The following RFX3 variants were observed in gnomAD, a reference collection of about 807,000 sequenced individuals.
The protein encoded by RFX3 is regulatory factor X3.
RFX3 carries 14 observed loss-of-function variants against 98.6 expected under a neutral mutation model. The ratio of observed to expected loss-of-function variants is 0.14; its 90% confidence interval spans 0.09 to 0.22. The LOEUF (loss-of-function observed/expected upper bound fraction) is 0.22. Ranked by LOEUF, RFX3 falls within the 10% of genes least tolerant of loss-of-function variation. RFX3 has a pLI of 1.00. For synonymous variants in RFX3, 383 were observed against 328.4 expected (o/e 1.17, Z -1.80); for missense variants, 639 against 926.9 (o/e 0.69, Z 4.03).
chr9:3,468,290 C>T (rs1848487472), intron 1 of RFX3, among the ~76,000 whole-genome samples: 1 of 152,172 alleles, frequency 6.6e-6, no homozygotes, highest in Non-Finnish European at 1.5e-5. Context: ...TACTAACATA[C>T]TTAAAAGGAA....
At chr9:3,238,502 G>C (rs1819480735) in intron 15 of RFX3, among the ~76,000 whole-genome samples, 1 of 152,130 alleles carries the variant, frequency 6.6e-6, no homozygotes, top group Non-Finnish European at 1.5e-5. Flanking sequence ...TGTAAACCTT[G>C]GCCTAACCCG....
intron 1 of RFX3, among the ~76,000 whole-genome samples, chr9:3,476,239 A>G (rs1036652973): frequency 1.3e-5 from 2 of 151,570 alleles, no homozygotes; most frequent in East Asian, 1.9e-4. Flanking sequence ...TAGATCTAGT[A>G]TAACTCTTGT....
chr9:3,374,396 CCCAATAGT>C (rs1838216305), intron 2 of RFX3, among the ~76,000 whole-genome samples: 1 of 151,892 alleles, frequency 6.6e-6, no homozygotes, highest in African/African-American at 2.4e-5. Context: ...CATCATAATT[CCCAATAGT>C]ACAGCTTGTT....
intron 1 of RFX3, among the ~76,000 whole-genome samples, chr9:3,491,846 T>G (rs547973959): frequency 6.6e-6 from 1 of 152,346 alleles, no homozygotes; most frequent in African/African-American, 2.4e-5. Context: ...ATTATTCATT[T>G]AAGAAAGACT....
At chr9:3,287,437 G>C (rs181767377) in intron 7 of RFX3, among the ~76,000 whole-genome samples, 4 of 152,016 alleles carry the variant, frequency 2.6e-5, no homozygotes, top group Admixed American at 2.6e-4. Context: ...GGACTAGAAG[G>C]CCCTTAGCTA....
intron 4 of RFX3, among the ~76,000 whole-genome samples, chr9:3,310,219 A>T (rs779236271): frequency 2.6e-5 from 4 of 152,172 alleles, no homozygotes; most frequent in African/African-American, 4.8e-5. Flanking sequence ...TGTATGATTT[A>T]CATGGAACCA....
chr9:3,311,903 A>G (rs903054839), intron 4 of RFX3, among the ~76,000 whole-genome samples: 3 of 152,024 alleles, frequency 2.0e-5, no homozygotes, highest in Non-Finnish European at 4.4e-5. Flanking sequence ...TCCCCCAAAA[A>G]AGAAATGCCA....
intron 2 of RFX3, among the ~76,000 whole-genome samples, chr9:3,382,836 C>T (rs7875889): frequency 0.28 from 42,321 of 151,912 alleles, 7,468 homozygotes; most frequent in African/African-American, 0.5. Context: ...CTATATATTT[C>T]TCTAGGTGAC....
chr9:3,478,379 AGT>A (rs769735141), intron 1 of RFX3, among the ~76,000 whole-genome samples: 30 of 144,188 alleles, frequency 2.1e-4, no homozygotes, highest in Admixed American at 3.4e-4. Flanking sequence ...TATTCCCCGT[AGT>A]GTGTGGCCAC....
At chr9:3,394,834 GAACAGC>G in intron 2 of RFX3, 1 of 985,262 alleles carries the variant, frequency 1.0e-6, no homozygotes. Context: ...CCACATACAT[GAACAGC>G]ATTACTTTGT....
intron 1 of RFX3, among the ~76,000 whole-genome samples, chr9:3,504,227 A>C (rs140389637): frequency 0.012 from 1,637 of 133,712 alleles, 57 homozygotes; most frequent in African/African-American, 0.044. Flanking sequence ...ACTATATTAT[A>C]TACTATATAT....
chr9:3,481,850 T>C (rs1261767215), intron 1 of RFX3, among the ~76,000 whole-genome samples: 1 of 150,118 alleles, frequency 6.7e-6, no homozygotes, highest in Non-Finnish European at 1.5e-5. Flanking sequence ...TATTCAACTA[T>C]TCGATTGCCA....
At chr9:3,458,322 T>G (rs868828899) in intron 1 of RFX3, among the ~76,000 whole-genome samples, 2 of 152,214 alleles carry the variant, frequency 1.3e-5, no homozygotes, top group African/African-American at 4.8e-5. Flanking sequence ...GCCATTGATA[T>G]AGACAGATCT....
chr9:3,292,172 C>T (rs532281210), intron 6 of RFX3, among the ~76,000 whole-genome samples: 4 of 140,154 alleles, frequency 2.9e-5, no homozygotes, highest in African/African-American at 1.1e-4. Context: ...TTGTATAGTA[C>T]AGTATCTCTA....
intron 3 of RFX3, chr9:3,344,719 A>G (rs1834256116): frequency 1.5e-5 from 9 of 591,906 alleles, no homozygotes; most frequent in Admixed American, 3.4e-5. Flanking sequence ...TGAAATGACA[A>G]CTGACAACTG....
chr9:3,328,640 G>A (rs184982078), intron 4 of RFX3, among the ~76,000 whole-genome samples: 59 of 152,214 alleles, frequency 3.9e-4, no homozygotes, highest in Admixed American at 2.0e-3. Context: ...TCTGATGTTA[G>A]TAACAAATAG....
chr9:3,427,411 T>C (rs1026913629), intron 1 of RFX3, among the ~76,000 whole-genome samples: 12 of 136,292 alleles, frequency 8.8e-5, no homozygotes, highest in Non-Finnish European at 1.7e-4. Context: ...ATATATATTG[T>C]TATATAATAA....
Position 3,395,513 on chromosome 9 carries a change from C to G in RFX3, c.76G>C (p.Val26Leu). ...LQTSVASQAA[V>L]PTQVVQQVPV... ...ACTTGCTGTACCACCTGCGTAGGCA[C>G]TGCTGCTTGACTAGCCACAGATGTT... The change falls in exon 2 of 17, where the codon GTG becomes CTG. Residue 26 changes from valine (V) to leucine (L), a missense_variant. Transcript: ENST00000617270. 3 of 1,614,168 alleles carry G rather than the reference C, an allele frequency of 1.9e-6. No individual in the cohort carries two copies. Among genetic ancestry groups the G allele is most frequent in the Non-Finnish European group, 2.5e-6 (3 of 1,180,018 alleles).
intron 2 of RFX3, among the ~76,000 whole-genome samples, chr9:3,366,701 T>TCTTTCTTTCTTTCTTTCTTTCTTTCTTTC (rs1837173314): frequency 1.0e-5 from 1 of 99,834 alleles, no homozygotes; most frequent in African/African-American, 4.1e-5. Context: ...TTCCTTTCTT[T>TCTTTCTTTCTTTCTTTCTTTCTTTCTTTC]CTTTCTTTCT....
Sources: allele counts gnomAD v4.1 joint callset (sites outside exome capture counted in the v4.1 genomes callset), GRCh38; gene constraint gnomAD v4.1.1; transcripts MANE v1.5; gene names NCBI Gene and HGNC (gene_info 2026-07-23, HGNC 2026-07-21).